TSPAN18: variants seen among roughly 807,000 people sequenced by gnomAD.
TSPAN18 encodes tetraspanin-18.
A neutral mutation model predicts 27.3 loss-of-function variants in TSPAN18; 14 were observed. The ratio of observed to expected loss-of-function variants is 0.51; its 90% confidence interval spans 0.34 to 0.80. TSPAN18 has a LOEUF of 0.80. Ranked by LOEUF, TSPAN18 falls within the 30% of genes least tolerant of loss-of-function variation. TSPAN18 has a pLI of 0.01. For synonymous variants in TSPAN18, 143 were observed against 136.5 expected, an observed-to-expected ratio of 1.05 and a Z score of -0.33; for missense variants, 268 against 323.9, an observed-to-expected ratio of 0.83 and a Z score of 1.32.
intron 1 of TSPAN18, among the ~76,000 whole-genome samples, chr11:44,733,042 C>T (rs536193141): frequency 6.6e-6 from 1 of 152,300 alleles, no homozygotes; most frequent in Admixed American, 6.5e-5. Context: ...GGGAAAGCCA[C>T]ACTAATACTC....
chr11:44,916,106 A>G (rs1859899200), intron 5 of TSPAN18, among the ~76,000 whole-genome samples: 1 of 152,224 alleles, frequency 6.6e-6, no homozygotes. Flanking sequence ...AAAAAACTAA[A>G]ACCCACTTGC....
chr11:44,905,271 C>T (rs1859412880), intron 3 of TSPAN18, among the ~76,000 whole-genome samples: 1 of 152,282 alleles, frequency 6.6e-6, no homozygotes, highest in Non-Finnish European at 1.5e-5. Flanking sequence ...TAATCAGACA[C>T]CATCTCCCCT....
chr11:44,897,084 G>A (rs532713912), intron 3 of TSPAN18, among the ~76,000 whole-genome samples: 4 of 152,206 alleles, frequency 2.6e-5, no homozygotes, highest in South Asian at 4.2e-4. Flanking sequence ...GCTTCCCCAG[G>A]TCCCAGGTCT....
At chr11:44,819,585 T>C (rs1444285213) in intron 2 of TSPAN18, among the ~76,000 whole-genome samples, 1 of 152,182 alleles carries the variant, frequency 6.6e-6, no homozygotes, top group African/African-American at 2.4e-5. Flanking sequence ...AACTCCTAAT[T>C]AATAGACGCT....
chr11:44,830,304 A>G lies in TSPAN18; in HGVS notation c.-152-30024A>G, dbSNP rs559269114. 5.3e-5 allele frequency among the ~76,000 whole-genome samples: 8 copies of G among 152,326 alleles called. No individual in the cohort carries two copies. The South Asian group carries it at 1.5e-3, about 28-fold the overall frequency. ...TCTATCTATTGCCTTCATGGCACAT[A>G]TTTCAAACTGGACTTACAGATTTAT... On this transcript the variant is annotated intron_variant, in intron 2 of 9. Transcript: ENST00000520358.
At chr11:44,903,216 A>G (rs549286093) in intron 3 of TSPAN18, 109 of 359,652 alleles carry the variant, frequency 3.0e-4, no homozygotes, top group South Asian at 2.2e-3. Flanking sequence ...GAATCAGGGA[A>G]GGCTTCCTGG....
At chr11:44,923,432 G>A (rs1057499002) in intron 8 of TSPAN18, among the ~76,000 whole-genome samples, 6 of 152,154 alleles carry the variant, frequency 3.9e-5, no homozygotes, top group African/African-American at 1.2e-4. Context: ...GTGTCTCACC[G>A]GGTGGTGACA....
intron 8 of TSPAN18, among the ~76,000 whole-genome samples, chr11:44,922,714 G>A (rs1185117304): frequency 1.3e-5 from 2 of 152,176 alleles, no homozygotes; most frequent in African/African-American, 2.4e-5. Context: ...ACCAGCCTTC[G>A]TGATGGGTCC....
intron 2 of TSPAN18, among the ~76,000 whole-genome samples, chr11:44,802,139 GT>G (rs1189458270): frequency 6.6e-6 from 1 of 152,084 alleles, no homozygotes; most frequent in Admixed American, 6.5e-5. Flanking sequence ...GACCTGGAGA[GT>G]CTCTCCTCAA....
At chr11:44,897,002 C>T (rs560288544) in intron 3 of TSPAN18, among the ~76,000 whole-genome samples, 16 of 152,210 alleles carry the variant, frequency 1.1e-4, no homozygotes, top group African/African-American at 1.7e-4. Context: ...CAGGCAGGCT[C>T]GTACTTGGAG....
chr11:44,792,962 C>T (rs1224553103), intron 2 of TSPAN18, among the ~76,000 whole-genome samples: 1 of 152,088 alleles, frequency 6.6e-6, no homozygotes, highest in Non-Finnish European at 1.5e-5. Context: ...GACTCAAAGT[C>T]AAGTTGTCCC....
intron 4 of TSPAN18, among the ~76,000 whole-genome samples, chr11:44,908,814 A>AGAAAGAAG (rs1590671103): frequency 1.7e-5 from 2 of 114,810 alleles, no homozygotes; most frequent in East Asian, 4.5e-4. Flanking sequence ...AAAGAAAGAA[A>AGAAAGAAG]GAAAGAAAGA....
chr11:44,802,655 C>T lies in TSPAN18; in HGVS notation c.-153+38143C>T, dbSNP rs1241979689. On this transcript the variant is annotated intron_variant, in intron 2 of 9. Transcript: ENST00000520358. ...CACACACAGCCTCTGGCAGGGTGGG[C>T]TCAAGAACTGGGGAAGAGGTGGCTG... Among the ~76,000 whole-genome samples the T allele has an allele frequency of 4.3e-5, 6 of 140,136 alleles. 1 individual carries two copies. In the South Asian group the frequency reaches 1.1e-3, roughly 25 times the overall value. 91.9% of individuals were successfully genotyped at this position (140,136 alleles called of 152,430 possible).
At chr11:44,761,820 A>G (rs929268739) in intron 1 of TSPAN18, among the ~76,000 whole-genome samples, 1 of 152,220 alleles carries the variant, frequency 6.6e-6, no homozygotes, top group Non-Finnish European at 1.5e-5. Context: ...TGAGCCAATA[A>G]ATGCAGTTCC....
At chr11:44,806,614 T>A (rs1856598779) in intron 2 of TSPAN18, among the ~76,000 whole-genome samples, 1 of 152,220 alleles carries the variant, frequency 6.6e-6, no homozygotes, top group Non-Finnish European at 1.5e-5. Context: ...AACCTCAAAC[T>A]TGCTTGGATG....
At chr11:44,908,819 GAAAGAAAGAAAA>G (rs1193721188) in intron 4 of TSPAN18, among the ~76,000 whole-genome samples, 1,789 of 116,520 alleles carry the variant, frequency 0.015, 279 homozygotes, top group African/African-American at 0.032. Flanking sequence ...AAGAAAGAAA[GAAAGAAAGAAAA>G]AGAAAAATGG....
chr11:44,802,740 G>A (rs577552212), intron 2 of TSPAN18, among the ~76,000 whole-genome samples: 4 of 152,240 alleles, frequency 2.6e-5, no homozygotes, highest in African/African-American at 4.8e-5. Context: ...GAAAGGTCCA[G>A]TTTGTCCAAA....
intron 7 of TSPAN18, 114 bp from the exon 8 acceptor site, chr11:44,919,703 G>T: frequency 9.3e-7 from 1 of 1,080,112 alleles, no homozygotes. Context: ...GGTGGAGCCC[G>T]CCCACACCCA....
intron 2 of TSPAN18, among the ~76,000 whole-genome samples, chr11:44,775,104 A>G (rs1268005742): frequency 1.3e-5 from 2 of 152,212 alleles, no homozygotes; most frequent in Non-Finnish European, 2.9e-5. Context: ...TGTCACCTGC[A>G]TACCTCCTGG....
Sources: gnomAD v4.1 joint callset for allele counts (sites outside exome capture counted in the v4.1 genomes callset) on GRCh38, gnomAD v4.1.1 for gene constraint, MANE v1.5 for transcripts, NCBI Gene and HGNC (gene_info 2026-07-23, HGNC 2026-07-21) for gene names.